FNDC3B: variants seen among roughly 807,000 people sequenced by gnomAD.
The protein encoded by FNDC3B is fibronectin type III domain-containing protein 3B.
A neutral mutation model predicts 151.5 loss-of-function variants in FNDC3B; 12 were observed. The observed-to-expected ratio is 0.08, with a 90% CI of 0.05 to 0.13. FNDC3B has a LOEUF of 0.13. FNDC3B is among the 10% of genes least tolerant of loss of function. FNDC3B has a pLI of 1.00. For synonymous variants in FNDC3B, 528 were observed against 549.0 expected (o/e 0.96, Z 0.54); for missense variants, 1,214 against 1,505.3 (o/e 0.81, Z 3.20).
At chr3:172,317,447 G>T (rs972672156) in intron 11 of FNDC3B, among the ~76,000 whole-genome samples, 7 of 151,956 alleles carry the variant, frequency 4.6e-5, no homozygotes, top group African/African-American at 1.7e-4. Flanking sequence ...GCCTCCCAAA[G>T]TGCTGGGATT....
intron 3 of FNDC3B, among the ~76,000 whole-genome samples, chr3:172,226,163 G>A (rs1172105330): frequency 6.6e-6 from 1 of 151,932 alleles, no homozygotes; most frequent in African/African-American, 2.4e-5. Flanking sequence ...AAATTAGCTG[G>A]GCGTGGTGGC....
intron 3 of FNDC3B, among the ~76,000 whole-genome samples, chr3:172,179,318 T>A (rs1239027769): frequency 6.6e-6 from 1 of 152,172 alleles, no homozygotes; most frequent in East Asian, 1.9e-4. Context: ...CGCCTTGGCC[T>A]CCCAAAGTGC....
At chr3:172,285,165 G>T (rs9838734) in intron 6 of FNDC3B, among the ~76,000 whole-genome samples, 52,166 of 151,864 alleles carry the variant, frequency 0.34, 12,806 homozygotes, top group African/African-American at 0.71. Flanking sequence ...CTAGGAATTA[G>T]CCTTGGTGTG....
chr3:172,082,259 T>C (rs974573340), intron 1 of FNDC3B, among the ~76,000 whole-genome samples: 14 of 152,216 alleles, frequency 9.2e-5, no homozygotes, highest in Non-Finnish European at 1.8e-4. Context: ...TTTTTTCCTG[T>C]CCCCAAATAA....
chr3:172,380,329 C>T (rs1024126582), intron 24 of FNDC3B, among the ~76,000 whole-genome samples: 49 of 151,858 alleles, frequency 3.2e-4, no homozygotes, highest in African/African-American at 1.2e-3. Context: ...TATAATTTAG[C>T]TTTAAATGAG....
chr3:172,297,992 C>T (rs1455386864), intron 8 of FNDC3B, among the ~76,000 whole-genome samples: 4 of 152,182 alleles, frequency 2.6e-5, no homozygotes, highest in Non-Finnish European at 5.9e-5. Context: ...CACCCCTTCC[C>T]GCGCAGGAGC....
At chr3:172,083,884 C>G (rs1380988592) in intron 1 of FNDC3B, among the ~76,000 whole-genome samples, 2 of 152,172 alleles carry the variant, frequency 1.3e-5, no homozygotes, top group African/African-American at 2.4e-5. Context: ...CAGGTGGACC[C>G]AGGCATAGGT....
chr3:172,278,649 G>T (rs1227327766), intron 6 of FNDC3B, among the ~76,000 whole-genome samples: 1 of 152,090 alleles, frequency 6.6e-6, no homozygotes, highest in Non-Finnish European at 1.5e-5. Flanking sequence ...GCCTTTGGCC[G>T]GGTGTGGTGG....
At chr3:172,377,310 C>T (rs1184051174) in intron 23 of FNDC3B, among the ~76,000 whole-genome samples, 3 of 152,196 alleles carry the variant, frequency 2.0e-5, no homozygotes, top group Non-Finnish European at 4.4e-5. Flanking sequence ...TGGTTCTCAG[C>T]GTGTCCACTG....
chr3:172,078,097 C>T (rs1186270754), intron 1 of FNDC3B, among the ~76,000 whole-genome samples: 1 of 152,194 alleles, frequency 6.6e-6, no homozygotes, highest in East Asian at 1.9e-4. Context: ...TCTCCCGCCT[C>T]AGCCTCCCAA....
chr3:172,136,071 C>A (rs1237128251), intron 3 of FNDC3B, among the ~76,000 whole-genome samples: 1 of 152,184 alleles, frequency 6.6e-6, no homozygotes, highest in Non-Finnish European at 1.5e-5. Flanking sequence ...AGTCACAAAG[C>A]TAGAAAGAGG....
At chr3:172,335,734 G>A (rs905102556) in intron 15 of FNDC3B, 1 of 151,994 alleles carries the variant, frequency 6.6e-6, no homozygotes, top group African/African-American at 2.4e-5. Context: ...CAATTAGAAG[G>A]TTGACAATTA....
intron 3 of FNDC3B, among the ~76,000 whole-genome samples, chr3:172,151,633 G>T (rs554944534): frequency 3.9e-5 from 6 of 152,282 alleles, no homozygotes; most frequent in African/African-American, 1.4e-4. Context: ...CTTTTAAAAT[G>T]TTATCCTAGA....
At chr3:172,064,603 T>A (rs1400440764) in intron 1 of FNDC3B, among the ~76,000 whole-genome samples, 2 of 152,240 alleles carry the variant, frequency 1.3e-5, no homozygotes, top group Non-Finnish European at 2.9e-5. Flanking sequence ...AAAGTGTGAC[T>A]TCAGAGATAA....
At position 172,397,673 on chromosome 3, in the gene FNDC3B, TTTTAAAAAAAAG is replaced by T; in HGVS notation, c.*199_*210del. 1 of 284,960 alleles carries T rather than the reference TTTTAAAAAAAAG, an allele frequency of 3.5e-6. No homozygotes were observed. Among genetic ancestry groups the T allele is most frequent in the Non-Finnish European group, 5.6e-6 (1 of 177,794 alleles). The allele number at this position is 284,960 out of a possible 1,614,324, so 17.7% of individuals were successfully genotyped here. A position where few individuals can be genotyped will look rare whatever the true frequency, so the allele number is the denominator to read the frequency against. On this transcript the variant is annotated 3_prime_UTR_variant, in exon 26 of 26. Coordinates refer to ENST00000415807, the MANE Select transcript of FNDC3B (RefSeq NM_022763.4). ...GGAAAAGGTTAAACTGGATTTTTTT[TTTTAAAAAAAAG>T]AAAAAAAAAGAAGAAAAGTATACCA...
At chr3:172,264,441 T>C (rs1225921580) in intron 6 of FNDC3B, among the ~76,000 whole-genome samples, 3 of 152,358 alleles carry the variant, frequency 2.0e-5, no homozygotes, top group African/African-American at 7.2e-5. Flanking sequence ...CTGAATAATC[T>C]GTGGGATGTT....
chr3:172,227,147 A>G, intron 4 of FNDC3B, 200 bp downstream of exon 4: 2 of 524,450 alleles, frequency 3.8e-6, no homozygotes, highest in East Asian at 3.0e-5. Context: ...AAGGAGACAC[A>G]GAAGGCCTAC....
At chr3:172,374,167 C>T (rs941801206) in intron 23 of FNDC3B, among the ~76,000 whole-genome samples, 2 of 152,208 alleles carry the variant, frequency 1.3e-5, no homozygotes, top group African/African-American at 4.8e-5. Context: ...TCCCACAGCT[C>T]ATGTCTGAGG....
At chr3:172,205,820 C>A (rs1264803503) in intron 3 of FNDC3B, among the ~76,000 whole-genome samples, 1 of 152,046 alleles carries the variant, frequency 6.6e-6, no homozygotes, top group African/African-American at 2.4e-5. Context: ...GAAAGAAGTT[C>A]CACATTTAAT....
Sources: gnomAD v4.1 joint callset for allele counts (sites outside exome capture counted in the v4.1 genomes callset) on GRCh38, gnomAD v4.1.1 for gene constraint, MANE v1.5 for transcripts, NCBI Gene and HGNC (gene_info 2026-07-23, HGNC 2026-07-21) for gene names.